The following GLIS1 variants were observed in gnomAD, a reference collection of about 807,000 sequenced individuals.
GLIS1 encodes the protein GLIS family zinc finger 1, also known as zinc finger protein GLIS1.
GLIS1 carries 24 observed loss-of-function variants against 63.8 expected under a neutral mutation model. The ratio of observed to expected loss-of-function variants is 0.38; its 90% confidence interval spans 0.27 to 0.53. The LOEUF (loss-of-function observed/expected upper bound fraction) is 0.53. Among genes scored for constraint, GLIS1 ranks in the 20% least tolerant of loss-of-function variants. The pLI is 0.85. For synonymous variants in GLIS1, 450 were observed against 482.5 expected (o/e 0.93, Z 0.88); for missense variants, 1,036 against 1,074.1 (o/e 0.96, Z 0.50).
intron 2 of GLIS1, among the ~76,000 whole-genome samples, chr1:53,617,263 A>ACCAC (rs1645492115): frequency 6.6e-6 from 1 of 150,924 alleles, no homozygotes; most frequent in Admixed American, 6.6e-5. Context: ...TGGCCAACTC[A>ACCAC]CCACCAAGAG....
chr1:53,711,081 G>A (rs888446641), intron 2 of GLIS1, among the ~76,000 whole-genome samples: 1 of 152,158 alleles, frequency 6.6e-6, no homozygotes, highest in Middle Eastern at 3.4e-3. Flanking sequence ...AACACTGGTG[G>A]GTCCAAGGCT....
At chr1:53,590,385 T>C (rs1351210388) in intron 4 of GLIS1, among the ~76,000 whole-genome samples, 1 of 152,092 alleles carries the variant, frequency 6.6e-6, no homozygotes, top group Non-Finnish European at 1.5e-5. Flanking sequence ...TTGGTAAAAC[T>C]CTTCACCAAA....
chr1:53,708,020 C>G (rs1173591), intron 2 of GLIS1, among the ~76,000 whole-genome samples: 1 of 150,910 alleles, frequency 6.6e-6, no homozygotes, highest in African/African-American at 2.4e-5. Context: ...CGGTGGCTCA[C>G]GCCTGTAATC....
At chr1:53,609,027 A>T (rs543642450) in intron 2 of GLIS1, among the ~76,000 whole-genome samples, 9 of 152,180 alleles carry the variant, frequency 5.9e-5, no homozygotes, top group Non-Finnish European at 1.2e-4. Context: ...CAGCAGAGAA[A>T]CTAAGTCACA....
In GLIS1 at chr1:53,594,623, G is replaced by T. The variant is rs139279438; in HGVS notation, c.805C>A (p.Gln269Lys). The T allele has an allele frequency of 1.4e-4, 212 of 1,567,664 alleles. No homozygotes were observed. The highest frequency in any genetic ancestry group is 1.6e-4 in the Non-Finnish European group (187 of 1,154,146). The change falls in exon 4 of 11, where the codon CAG becomes AAG. Residue 269 changes from glutamine to lysine, a missense_variant. Transcript: ENST00000628545. ...TTTACACAGGTGACCAGAGACGTCT[G>T]GGAGGAGCGGATGATGGAGGTGACG... ...SDVTSIIRSS[Q>K]TSLVTCVNGL...
chr1:53,513,362 C>A (rs1467953916), intron 8 of GLIS1, among the ~76,000 whole-genome samples: 2 of 152,188 alleles, frequency 1.3e-5, no homozygotes, highest in Non-Finnish European at 2.9e-5. Flanking sequence ...CTGCTCAACA[C>A]TCTTCAGGTC....
chr1:53,705,457 G>A (rs544634097), intron 2 of GLIS1, among the ~76,000 whole-genome samples: 1 of 152,166 alleles, frequency 6.6e-6, no homozygotes, highest in Non-Finnish European at 1.5e-5. Flanking sequence ...TTTCCTCTTG[G>A]GGAGTTGGAG....
chr1:53,645,128 T>C (rs2100303533), intron 2 of GLIS1, among the ~76,000 whole-genome samples: 1 of 152,332 alleles, frequency 6.6e-6, no homozygotes, highest in South Asian at 2.1e-4. Context: ...CAGTCTGGCC[T>C]CGGGGACTTT....
intron 3 of GLIS1, among the ~76,000 whole-genome samples, chr1:53,595,347 C>T (rs1645244556): frequency 6.6e-6 from 1 of 152,106 alleles, no homozygotes; most frequent in African/African-American, 2.4e-5. Context: ...AGTGAGACTC[C>T]ATCTCTACAA....
chr1:53,724,956 C>A (rs1203237804), intron 2 of GLIS1, among the ~76,000 whole-genome samples: 22 of 152,150 alleles, frequency 1.4e-4, no homozygotes, highest in Non-Finnish European at 1.5e-5. Flanking sequence ...ACAGTGCCAC[C>A]TGCTCAGCCA....
At position 53,520,769 on chromosome 1, in the gene GLIS1, G is replaced by T; in HGVS notation, c.1594-3C>A. 6.2e-7 allele frequency: 1 copy of T among 1,601,832 alleles called. No individual in the cohort carries two copies. The highest frequency in any genetic ancestry group is 8.5e-7 in the Non-Finnish European group (1 of 1,173,756). On this transcript the variant is annotated splice_region_variant and splice_polypyrimidine_tract_variant and intron_variant, in intron 6 of 10. Coordinates refer to ENST00000628545, the MANE Select transcript of GLIS1 (RefSeq NM_001367484.1). ...TCGGTGTCAGGGCCCGCATGCAGCTGGGGAGCAAGCAGAGGGAAAGGAGGT... is the reference window on the plus strand; with the variant it reads ...TCGGTGTCAGGGCCCGCATGCAGCTTGGGAGCAAGCAGAGGGAAAGGAGGT...
intron 4 of GLIS1, among the ~76,000 whole-genome samples, chr1:53,556,524 GC>G (rs1259999842): frequency 4.2e-5 from 6 of 142,492 alleles, no homozygotes; most frequent in Admixed American, 7.1e-5. Context: ...AGATGTGTGT[GC>G]AGGTGTACTG....
intron 2 of GLIS1, among the ~76,000 whole-genome samples, chr1:53,674,635 A>T (rs901802953): frequency 2.0e-5 from 3 of 152,168 alleles, no homozygotes; most frequent in Non-Finnish European, 2.9e-5. Flanking sequence ...AGAAGAGCAG[A>T]CACAGCCCAG....
rs75144383 is a variant in GLIS1 at position 53,560,814 on chromosome 1, C to T, written c.1321-30862G>A. On this transcript the variant is annotated intron_variant, in intron 4 of 10. Transcript: ENST00000628545. This position sits in a 1 kb window ranked among gnomAD's most constrained non-coding sequence, Gnocchi z 4.4. ...GAGTCCTTGGACTCCACCCATACCTCAGTACCCCAGGCCTTGCCACCTGAA... is the reference window on the plus strand; with the variant it reads ...GAGTCCTTGGACTCCACCCATACCTTAGTACCCCAGGCCTTGCCACCTGAA... Among the ~76,000 whole-genome samples the T allele has an allele frequency of 2.4e-4, 37 of 152,300 alleles. No individual in the cohort carries two copies. Among genetic ancestry groups the T allele is most frequent in the African/African-American group, 8.4e-4 (35 of 41,558 alleles).
At chr1:53,606,965 G>A (rs1256603377) in intron 2 of GLIS1, among the ~76,000 whole-genome samples, 1 of 152,136 alleles carries the variant, frequency 6.6e-6, no homozygotes, top group African/African-American at 2.4e-5. Context: ...GCTCCAGCCC[G>A]GTCCAGGGCC....
chr1:53,625,899 T>A (rs1470191958), intron 2 of GLIS1, among the ~76,000 whole-genome samples: 1 of 152,114 alleles, frequency 6.6e-6, no homozygotes, highest in Non-Finnish European at 1.5e-5. Context: ...ACAGAGAAGC[T>A]CATGCCAACC....
chr1:53,620,459 C>G (rs950799865), intron 2 of GLIS1, among the ~76,000 whole-genome samples: 1 of 152,248 alleles, frequency 6.6e-6, no homozygotes, highest in East Asian at 1.9e-4. Flanking sequence ...GCCGGCAGAG[C>G]TGGGGCAGCT....
intron 2 of GLIS1, among the ~76,000 whole-genome samples, chr1:53,683,285 C>T (rs778542565): frequency 7.2e-5 from 11 of 152,176 alleles, no homozygotes; most frequent in Non-Finnish European, 1.3e-4. Context: ...AACCCGCTAA[C>T]GGGCATCCTC....
chr1:53,622,448 A>AAG (rs1553130241), intron 2 of GLIS1, among the ~76,000 whole-genome samples: 1 of 135,488 alleles, frequency 7.4e-6, no homozygotes, highest in Non-Finnish European at 1.6e-5. Flanking sequence ...AAAAAAAAAA[A>AAG]AAGAAGAAGA....
Sources: allele counts gnomAD v4.1 joint callset (sites outside exome capture counted in the v4.1 genomes callset), GRCh38; gene constraint gnomAD v4.1.1; non-coding constraint Gnocchi (gnomAD v3.1); transcripts MANE v1.5; gene names NCBI Gene and HGNC (gene_info 2026-07-23, HGNC 2026-07-21).